EPS8L2: variants seen among roughly 807,000 people sequenced by gnomAD.
EPS8L2 encodes epidermal growth factor receptor kinase substrate 8-like protein 2.
A neutral mutation model predicts 99.4 loss-of-function variants in EPS8L2; 81 were observed. The observed-to-expected ratio is 0.82, with a 90% CI of 0.68 to 0.98. EPS8L2 has a LOEUF of 0.98. Ranked by LOEUF, EPS8L2 falls within the 50% of genes least tolerant of loss-of-function variation. EPS8L2 has a pLI of 0.00. For synonymous variants in EPS8L2, 509 were observed against 407.3 expected (o/e 1.25, Z -3.01); for missense variants, 1,155 against 968.8 (o/e 1.19, Z -2.55).
intron 1 of EPS8L2, 131 bp from the exon 2 acceptor site, chr11:709,182 CGTGGGGCCAACTGGGAT>C: frequency 1.7e-6 from 1 of 603,100 alleles, no homozygotes; most frequent in Non-Finnish European, 2.9e-6. Flanking sequence ...CCAACTGGGA[CGTGGGGCCAACTGGGAT>C]GTCGGGCAGG....
intron 5 of EPS8L2, 88 bp downstream of exon 5, chr11:720,311 T>C: frequency 7.0e-7 from 1 of 1,429,958 alleles, no homozygotes; most frequent in Non-Finnish European, 9.6e-7. Context: ...CGGCCGGTCC[T>C]CTCTGCAGGG....
chr11:721,714 C>T (rs780050326), intron 10 of EPS8L2, 23 bp downstream of exon 10: 8 of 1,550,364 alleles, frequency 5.2e-6, no homozygotes, highest in South Asian at 2.3e-5. Flanking sequence ...GGGACGGGGC[C>T]GGCAGGTGCA....
intron 4 of EPS8L2, among the ~76,000 whole-genome samples, chr11:714,696 A>G (rs1454474127): frequency 1.3e-5 from 2 of 150,924 alleles, no homozygotes; most frequent in Admixed American, 6.6e-5. Flanking sequence ...GACAGTCTCA[A>G]TGTACTGGAC....
chr11:717,748 G>C (rs1336093515), intron 4 of EPS8L2, among the ~76,000 whole-genome samples: 1 of 152,064 alleles, frequency 6.6e-6, no homozygotes, highest in Non-Finnish European at 1.5e-5. Context: ...AGTGGCTCAC[G>C]TCTGTAATCC....
intron 4 of EPS8L2, among the ~76,000 whole-genome samples, chr11:712,521 G>C (rs550125428): frequency 4.0e-5 from 6 of 151,830 alleles, no homozygotes; most frequent in Admixed American, 2.6e-4. Flanking sequence ...TTCCGGTTGT[G>C]GTCCAAGCCT....
rs533723349 is a variant in EPS8L2, at chr11:722,077, G to C, written c.985-14G>C. The C allele has an allele frequency of 3.4e-5, 55 of 1,612,694 alleles. No individual in the cohort carries two copies. The highest frequency in any genetic ancestry group is 4.3e-5 in the Non-Finnish European group (51 of 1,179,720). ...GCCCCGCCCCGGCACCTGCTCACTT[G>C]TTCCCACCCCCAGGCAAAGCTGCAG... On this transcript the variant is annotated splice_polypyrimidine_tract_variant and intron_variant, in intron 11 of 20. Transcript: ENST00000318562.
intron 4 of EPS8L2, among the ~76,000 whole-genome samples, chr11:712,210 C>T (rs1001719937): frequency 2.0e-5 from 3 of 151,802 alleles, no homozygotes; most frequent in East Asian, 1.9e-4. Flanking sequence ...CACTAGAACC[C>T]GGGAAATGGA....
At chr11:714,884 T>A (rs1861976700) in intron 4 of EPS8L2, among the ~76,000 whole-genome samples, 1 of 152,052 alleles carries the variant, frequency 6.6e-6, no homozygotes, top group Non-Finnish European at 1.5e-5. Flanking sequence ...TGGCAGGTTG[T>A]GTGGCAGGGT....
chr11:714,705 ACCACAC>A (rs1216662997), intron 4 of EPS8L2, among the ~76,000 whole-genome samples: 1 of 149,874 alleles, frequency 6.7e-6, no homozygotes, highest in Admixed American at 6.7e-5. Context: ...AATGTACTGG[ACCACAC>A]TGATTGACTG....
In EPS8L2 at chr11:720,053, C is replaced by T. The variant is rs369719347; in HGVS notation, c.166-9C>T. 154 of 1,609,092 alleles carry T rather than the reference C, an allele frequency of 9.6e-5. No individual in the cohort carries two copies. The highest frequency in any genetic ancestry group is 1.3e-4 in the Non-Finnish European group (150 of 1,177,996). On this transcript the variant is annotated splice_polypyrimidine_tract_variant and intron_variant, in intron 4 of 20. Transcript: ENST00000318562. The stretch of plus-strand genomic sequence containing the variant: ...CTCTGCCCAGCAGTGACCACCTGCC[C>T]ACCCCCAGCACCTGGCCACATTCAT...
In EPS8L2 at chr11:720,904, C is replaced by T. The variant is rs1200013812; in HGVS notation, c.552C>T (p.Thr184=). 3 of 1,280,428 alleles carry T rather than the reference C, an allele frequency of 2.3e-6. No individual in the cohort carries two copies. The highest frequency in any genetic ancestry group is 5.0e-5 in the Admixed American group (2 of 40,284). 79.3% of individuals were successfully genotyped at this position (1,280,428 alleles called of 1,614,324 possible). ...CRLGKKMRPQ[T]LKGHQEKIRQ... is the part of the protein sequence containing the mutation. ...TGGGCAAGAAGATGCGGCCGCAGAC[C>T]CTGAAGTAGGGCAGCGGGCGGAGCG... The change falls in exon 7 of 21, where the codon ACC becomes ACT. Residue 184 remains threonine (T), a synonymous_variant. Transcript: ENST00000318562.
rs1862270635 is a variant in EPS8L2, at chr11:724,753, A to G, written c.1484A>G (p.Lys495Arg). 6.2e-7 allele frequency: 1 copy of G among 1,613,482 alleles called. No individual in the cohort carries two copies. The highest frequency in any genetic ancestry group is 8.5e-7 in the Non-Finnish European group (1 of 1,179,978). Residue 495 changes from lysine to arginine, a missense_variant, in exon 16 of 21, where the codon AAG becomes AGG. Physicochemically the swap from Lys to Arg is conservative, Grantham distance 26. Coordinates refer to ENST00000318562, the MANE Select transcript of EPS8L2 (RefSeq NM_022772.4). This position sits in a 1 kb window ranked among gnomAD's most constrained non-coding sequence, Gnocchi z 5.5. ...RGYQPTPAMA[K>R]YVKILYDFTA... ...TACCAGCCAACACCAGCCATGGCCA[A>G]GTACGTCAAGATCCTGTATGACTTC...
intron 10 of EPS8L2, 34 bp downstream of exon 10, chr11:721,725 G>GGGGACA (rs754346456): frequency 1.6e-6 from 2 of 1,280,952 alleles, no homozygotes; most frequent in Non-Finnish European, 1.1e-6. Context: ...GGCAGGTGCA[G>GGGGACA]GGGACGGGGC....
At chr11:714,364 G>A (rs1861963583) in intron 4 of EPS8L2, among the ~76,000 whole-genome samples, 1 of 151,322 alleles carries the variant, frequency 6.6e-6, no homozygotes, top group Non-Finnish European at 1.5e-5. Flanking sequence ...TGAGTATCTG[G>A]GATTACAGGA....
At chr11:726,562 G>A in intron 19 of EPS8L2, 57 bp from the exon 20 acceptor site, 16 of 1,511,020 alleles carry the variant, frequency 1.1e-5, no homozygotes, top group East Asian at 2.5e-5. Flanking sequence ...CTGTCGGGGC[G>A]GGCGCCAGGC....
At chr11:710,724 T>G (rs7396314) in intron 4 of EPS8L2, among the ~76,000 whole-genome samples, 60,059 of 151,982 alleles carry the variant, frequency 0.4, 12,380 homozygotes, top group African/African-American at 0.5. Context: ...GTGACAGAGC[T>G]AGACCCTGTC....
chr11:710,012 T>G, intron 3 of EPS8L2: 1 of 357,714 alleles, frequency 2.8e-6, no homozygotes, highest in African/African-American at 2.1e-5. Flanking sequence ...ACCCTTCACT[T>G]ATGTCTTTGG....
Position 726,177 on chromosome 11 carries a change from G to C in EPS8L2, c.1753+7G>C, listed in dbSNP as rs556634131. 1.3e-5 allele frequency: 21 copies of C among 1,607,130 alleles called. No individual in the cohort carries two copies. In the East Asian group the frequency reaches 4.3e-4, roughly 33 times the overall value. ...TTCCCGGGGAACAAAGACGGTGAGA[G>C]CTGCTGCTTCGAGGCGGGGGTCCCG... On this transcript the variant is annotated splice_region_variant and intron_variant, in intron 18 of 20. Transcript: ENST00000318562.
At chr11:721,491 G>A in intron 9 of EPS8L2, 74 bp from the exon 10 acceptor site, 2 of 1,512,158 alleles carry the variant, frequency 1.3e-6, no homozygotes, top group East Asian at 2.3e-5. Flanking sequence ...CCCATCATCT[G>A]TGGGGCTGTC....
Sources: gnomAD v4.1 joint callset for allele counts (sites outside exome capture counted in the v4.1 genomes callset) on GRCh38, gnomAD v4.1.1 for gene constraint, Gnocchi (gnomAD v3.1) non-coding constraint, MANE v1.5 for transcripts, NCBI Gene and HGNC (gene_info 2026-07-23, HGNC 2026-07-21) for gene names.